The following GPHN variants were observed in gnomAD, a reference collection of about 807,000 sequenced individuals.
The protein encoded by GPHN is gephyrin.
GPHN carries 17 observed loss-of-function variants against 95.5 expected under a neutral mutation model. That is an observed-to-expected ratio of 0.18 (90% confidence interval 0.12 to 0.27). GPHN has a LOEUF of 0.27. Ranked by LOEUF, GPHN falls within the 10% of genes least tolerant of loss-of-function variation. GPHN has a pLI of 1.00. For synonymous variants in GPHN, 320 were observed against 322.5 expected, an observed-to-expected ratio of 0.99 and a Z score of 0.08; for missense variants, 660 against 978.1, an observed-to-expected ratio of 0.67 and a Z score of 4.34.
chr14:66,848,994 G>T (rs2062459533), intron 4 of GPHN, among the ~76,000 whole-genome samples: 1 of 151,852 alleles, frequency 6.6e-6, no homozygotes, highest in Non-Finnish European at 1.5e-5. Flanking sequence ...TGTATGCCAT[G>T]TATTTTTATA....
chr14:66,753,871 C>A (rs1445998211), intron 2 of GPHN, among the ~76,000 whole-genome samples: 1 of 152,000 alleles, frequency 6.6e-6, no homozygotes, highest in Non-Finnish European at 1.5e-5. Flanking sequence ...TTTTTTCTCT[C>A]CCACCTCCAG....
intron 1 of GPHN, among the ~76,000 whole-genome samples, chr14:66,513,038 A>G (rs376512146): frequency 2.0e-5 from 3 of 151,710 alleles, no homozygotes; most frequent in South Asian, 2.1e-4. Context: ...AAGGAATCCT[A>G]TTTCTTGAAA....
intron 3 of GPHN, among the ~76,000 whole-genome samples, chr14:66,801,807 GCTCCCTCTCCCT>G (rs375169045): frequency 1.4e-5 from 2 of 141,494 alleles, no homozygotes; most frequent in Non-Finnish European, 3.1e-5. Flanking sequence ...TCCCGCTCCC[GCTCCCTCTCCCT>G]CTCCCTCTCC....
chr14:66,560,101 C>G (rs2060169582), intron 1 of GPHN, among the ~76,000 whole-genome samples: 1 of 152,032 alleles, frequency 6.6e-6, no homozygotes, highest in Non-Finnish European at 1.5e-5. Flanking sequence ...TGGTCTATAT[C>G]TCTGTTTTGG....
chr14:66,523,111 T>C (rs1474957660), intron 1 of GPHN, among the ~76,000 whole-genome samples: 3 of 152,084 alleles, frequency 2.0e-5, no homozygotes, highest in Non-Finnish European at 4.4e-5. Flanking sequence ...AAATTATTGA[T>C]CTAAAGTGTT....
At chr14:67,683,105 A>G in the GPHN span, among the ~76,000 whole-genome samples, 22 of 152,346 alleles carry the variant, frequency 1.4e-4, no homozygotes, top group Admixed American at 9.2e-4. Flanking sequence ...TAAGGCTTCA[A>G]TCAAAAGACT....
chr14:66,893,541 G>C (rs966919103), intron 5 of GPHN, among the ~76,000 whole-genome samples: 1 of 152,116 alleles, frequency 6.6e-6, no homozygotes, highest in Non-Finnish European at 1.5e-5. Flanking sequence ...AGAAATAAAG[G>C]GTATTCAATT....
At chr14:67,509,881 G>C in the GPHN span, among the ~76,000 whole-genome samples, 1 of 152,018 alleles carries the variant, frequency 6.6e-6, no homozygotes, top group Non-Finnish European at 1.5e-5. Flanking sequence ...GCTAGGTATG[G>C]TGGCACATGC....
At chr14:67,242,981 T>G in the GPHN span, among the ~76,000 whole-genome samples, 1 of 152,142 alleles carries the variant, frequency 6.6e-6, no homozygotes, top group East Asian at 1.9e-4. Context: ...TGATTTTGAT[T>G]AAAAATCTCA....
the GPHN span, among the ~76,000 whole-genome samples, chr14:67,633,419 A>G: frequency 6.6e-6 from 1 of 152,202 alleles, no homozygotes; most frequent in Non-Finnish European, 1.5e-5. Flanking sequence ...ACTGTCAGCC[A>G]TTGACGATTG....
chr14:67,159,331 T>G lies in GPHN; in HGVS notation c.1837-84T>G, dbSNP rs1017939923. ...AAAGATGTTTCTTTTCATTTCAATC[T>G]TATTAATTTAATGTTCATTTAAAGT... On this transcript the variant is annotated intron_variant, in intron 18 of 22. Transcript: ENST00000478722. 2.9e-5 allele frequency: 25 copies of G among 847,694 alleles called. No individual in the cohort carries two copies. The African/African-American group carries it at 3.0e-4, about 10-fold the overall frequency. 52.5% of individuals were successfully genotyped at this position (847,694 alleles called of 1,614,324 possible).
At chr14:66,730,755 G>A (rs1287246169) in intron 2 of GPHN, among the ~76,000 whole-genome samples, 1 of 152,134 alleles carries the variant, frequency 6.6e-6, no homozygotes, top group Non-Finnish European at 1.5e-5. Context: ...ATATTTAATG[G>A]TTTAATTTTG....
the GPHN span, among the ~76,000 whole-genome samples, chr14:67,207,548 A>G: frequency 6.6e-6 from 1 of 152,070 alleles, no homozygotes; most frequent in Non-Finnish European, 1.5e-5. Context: ...CATCCAAACC[A>G]TATCAAGAAG....
intron 8 of GPHN, among the ~76,000 whole-genome samples, chr14:66,938,289 A>G (rs576116009): frequency 6.6e-6 from 1 of 152,326 alleles, no homozygotes; most frequent in South Asian, 2.1e-4. Context: ...GAAATGTTTC[A>G]TATTAGTTTA....
At chr14:67,223,660 G>T in the GPHN span, 5 of 894,634 alleles carry the variant, frequency 5.6e-6, no homozygotes, top group South Asian at 2.6e-4. Flanking sequence ...TTTCCACAAA[G>T]TATTAATTAT....
At chr14:66,834,738 C>T (rs999843727) in intron 4 of GPHN, among the ~76,000 whole-genome samples, 6 of 151,282 alleles carry the variant, frequency 4.0e-5, no homozygotes, top group Admixed American at 2.0e-4. Context: ...TGTCTCTGCC[C>T]GGCTTTGGTA....
chr14:67,012,546 A>T (rs1306081161), intron 9 of GPHN, among the ~76,000 whole-genome samples: 2 of 152,104 alleles, frequency 1.3e-5, no homozygotes, highest in African/African-American at 4.8e-5. Flanking sequence ...CCAGGCTAGG[A>T]GGGATTGGGG....
rs1218304784 is a variant in GPHN, at chr14:67,151,923, CT to C, written c.1837-7490del. Among the ~76,000 whole-genome samples the C allele has an allele frequency of 2.0e-5, 3 of 152,148 alleles. No homozygotes were observed. The East Asian group carries it at 5.8e-4, about 29-fold the overall frequency. ...CCTCCCAGAGTGCTGGGATTTCAGA[CT>C]TGAGCCACCATGCCTGGCCTGTACC... On this transcript the variant is annotated intron_variant, in intron 18 of 22. Coordinates refer to ENST00000478722, the MANE Select transcript of GPHN (RefSeq NM_020806.5).
At chr14:66,995,175 C>T (rs1041698892) in intron 9 of GPHN, among the ~76,000 whole-genome samples, 5 of 151,974 alleles carry the variant, frequency 3.3e-5, no homozygotes, top group African/African-American at 4.8e-5. Flanking sequence ...GACAACCTAA[C>T]GAGAAAAGAG....
Sources: allele counts gnomAD v4.1 joint callset (sites outside exome capture counted in the v4.1 genomes callset), GRCh38; gene constraint gnomAD v4.1.1; transcripts MANE v1.5; gene names NCBI Gene and HGNC (gene_info 2026-07-23, HGNC 2026-07-21).